DPYD: variants seen among roughly 807,000 people sequenced by gnomAD.
DPYD encodes the protein dihydropyrimidine dehydrogenase.
A neutral mutation model predicts 116.2 loss-of-function variants in DPYD; 109 were observed. The observed-to-expected ratio is 0.94, with a 90% CI of 0.80 to 1.10. The LOEUF (loss-of-function observed/expected upper bound fraction) is 1.10. Among genes scored for constraint, DPYD ranks in the 50% least tolerant of loss-of-function variants. The probability of loss-of-function intolerance (pLI) is 0.00; values close to 1 mark genes in which losing one functional copy is unlikely to be tolerated. For synonymous variants in DPYD, 440 were observed against 432.0 expected (o/e 1.02, Z -0.23); for missense variants, 1,302 against 1,254.5 (o/e 1.04, Z -0.57).
At chr1:97,868,872 G>T (rs1671523800) in intron 2 of DPYD, among the ~76,000 whole-genome samples, 1 of 151,676 alleles carries the variant, frequency 6.6e-6, no homozygotes, top group Non-Finnish European at 1.5e-5. Context: ...AGGATTTTTT[G>T]GTTGTCTATA....
chr1:97,638,169 G>C (rs1210795850), intron 8 of DPYD, among the ~76,000 whole-genome samples: 1 of 152,114 alleles, frequency 6.6e-6, no homozygotes, highest in Non-Finnish European at 1.5e-5. Context: ...TTACAGATGA[G>C]AATCACATGC....
intron 8 of DPYD, among the ~76,000 whole-genome samples, chr1:97,674,451 G>T (rs938573839): frequency 1.3e-5 from 2 of 152,072 alleles, no homozygotes; most frequent in Non-Finnish European, 2.9e-5. Flanking sequence ...TGTCTTACTG[G>T]ATGTTCTTTC....
chr1:97,814,917 AAAAAG>A (rs1275413433), intron 3 of DPYD, among the ~76,000 whole-genome samples: 1 of 29,878 alleles, frequency 3.3e-5, no homozygotes, highest in Non-Finnish European at 6.7e-5. Flanking sequence ...AAAAAAAAAA[AAAAAG>A]AAAGAGAGAG....
At chr1:97,770,177 G>C (rs1365190954) in intron 3 of DPYD, among the ~76,000 whole-genome samples, 1 of 152,212 alleles carries the variant, frequency 6.6e-6, no homozygotes, top group African/African-American at 2.4e-5. Flanking sequence ...GCATGTCCTA[G>C]TTGTTTGGTG....
At chr1:97,515,121 T>C (rs578061110) in intron 13 of DPYD, among the ~76,000 whole-genome samples, 29 of 152,058 alleles carry the variant, frequency 1.9e-4, no homozygotes, top group African/African-American at 7.0e-4. Context: ...TAAAGCATCT[T>C]ACTTTGAAAA....
At chr1:97,535,698 T>C (rs1039051252) in intron 12 of DPYD, among the ~76,000 whole-genome samples, 3 of 152,186 alleles carry the variant, frequency 2.0e-5, no homozygotes, top group Non-Finnish European at 2.9e-5. Flanking sequence ...AAATTACTTA[T>C]TAGTCATGGT....
intron 13 of DPYD, among the ~76,000 whole-genome samples, chr1:97,459,457 C>A (rs371784265): frequency 6.6e-6 from 1 of 151,782 alleles, no homozygotes; most frequent in African/African-American, 2.4e-5. Context: ...GAGGAAAATA[C>A]GTTTTTTAAA....
At chr1:97,140,439 G>C (rs760845038) in intron 20 of DPYD, among the ~76,000 whole-genome samples, 1 of 152,124 alleles carries the variant, frequency 6.6e-6, no homozygotes, top group Non-Finnish European at 1.5e-5. Flanking sequence ...GGTATCACCA[G>C]GGAGACAGAA....
intron 20 of DPYD, among the ~76,000 whole-genome samples, chr1:97,189,635 C>T (rs1658222898): frequency 6.6e-6 from 1 of 152,112 alleles, no homozygotes; most frequent in South Asian, 2.1e-4. Context: ...TTGCCTCCAA[C>T]TCTATAGATG....
At chr1:97,832,283 C>A (rs1308319562) in intron 2 of DPYD, among the ~76,000 whole-genome samples, 2 of 152,052 alleles carry the variant, frequency 1.3e-5, no homozygotes, top group East Asian at 3.9e-4. Context: ...GGGATTTGAA[C>A]CCAAGCAGTC....
At chr1:97,486,124 T>A (rs771013206) in intron 13 of DPYD, among the ~76,000 whole-genome samples, 5 of 152,140 alleles carry the variant, frequency 3.3e-5, no homozygotes, top group Non-Finnish European at 7.4e-5. Flanking sequence ...AAGAGGCACA[T>A]CATAACATTG....
rs1653255938 is a variant in DPYD at position 97,576,266 on chromosome 1, CT to C, written c.1129-2297del. On this transcript the variant is annotated intron_variant, in intron 10 of 22. Transcript: ENST00000370192. Reference sequence around the variant, plus strand: ...ATTTTAATGATAATGCCACACTTGACTGAATAACAACTCCAAATGTTTATGG... The same window carrying C: ...ATTTTAATGATAATGCCACACTTGACGAATAACAACTCCAAATGTTTATGG... Among the ~76,000 whole-genome samples, 6 of 152,052 alleles carry C rather than the reference CT, an allele frequency of 3.9e-5. No individual in the cohort carries two copies. The South Asian group carries it at 1.0e-3, about 26-fold the overall frequency.
chr1:97,216,459 T>C (rs1660402405), intron 19 of DPYD, among the ~76,000 whole-genome samples: 1 of 152,132 alleles, frequency 6.6e-6, no homozygotes, highest in African/African-American at 2.4e-5. Flanking sequence ...ACTTTTAAAA[T>C]ATGAGTAAAC....
Position 97,549,071 on chromosome 1 carries a change from A to AT in DPYD, c.1524+488dup, listed in dbSNP as rs554044934. Among the ~76,000 whole-genome samples, 696 of 145,524 alleles carry AT rather than the reference A, an allele frequency of 4.8e-3. 5 individuals are homozygous for AT. Among genetic ancestry groups the AT allele is most frequent in the African/African-American group, 0.011 (446 of 39,996 alleles). ...GAATGCATGATAAATTTTCTTTCTT[A>AT]TTTTTTTTTTTTGAGACAAGGTCTC... is the stretch of plus-strand genomic sequence containing the variant. On this transcript the variant is annotated intron_variant, in intron 12 of 22. Transcript: ENST00000370192.
intron 12 of DPYD, chr1:97,546,544 C>T (rs1159395354): frequency 6.3e-7 from 1 of 1,597,026 alleles, no homozygotes; most frequent in Non-Finnish European, 8.6e-7. Flanking sequence ...AAGCATACAG[C>T]AAGAAGAGAG....
intron 14 of DPYD, among the ~76,000 whole-genome samples, chr1:97,438,971 TAC>T (rs1289041609): frequency 6.6e-6 from 1 of 152,118 alleles, no homozygotes; most frequent in Non-Finnish European, 1.5e-5. Context: ...GAGGAAAGCA[TAC>T]AGTCTTTCAC....
intron 10 of DPYD, among the ~76,000 whole-genome samples, chr1:97,583,862 C>T (rs1445288738): frequency 2.0e-5 from 3 of 151,838 alleles, no homozygotes; most frequent in Admixed American, 6.6e-5. Context: ...TGAATAGTGC[C>T]GCAATAAACA....
intron 14 of DPYD, among the ~76,000 whole-genome samples, chr1:97,416,619 T>A (rs570855831): frequency 6.6e-6 from 1 of 152,204 alleles, no homozygotes; most frequent in East Asian, 1.9e-4. Context: ...GCAGTTGGCA[T>A]TGCCTGTGGT....
intron 20 of DPYD, among the ~76,000 whole-genome samples, chr1:97,134,273 G>A (rs185812022): frequency 2.0e-4 from 30 of 151,584 alleles, no homozygotes; most frequent in African/African-American, 7.0e-4. Flanking sequence ...TTTCCATAGC[G>A]AAAATAACCC....
Sources: gnomAD v4.1 joint callset for allele counts (sites outside exome capture counted in the v4.1 genomes callset) on GRCh38, gnomAD v4.1.1 for gene constraint, MANE v1.5 for transcripts, NCBI Gene and HGNC (gene_info 2026-07-23, HGNC 2026-07-21) for gene names.